CASK: variants seen among roughly 807,000 people sequenced by gnomAD.
CASK encodes peripheral plasma membrane protein CASK.
CASK carries 4 observed loss-of-function variants against 82.9 expected under a neutral mutation model. That is an observed-to-expected ratio of 0.05 (90% CI 0.02 to 0.11). The LOEUF (loss-of-function observed/expected upper bound fraction) is 0.11. Among genes scored for constraint, CASK ranks in the 10% least tolerant of loss-of-function variants. CASK has a pLI of 1.00. For missense variants in CASK, 358 were observed against 720.9 expected (o/e 0.50, Z 5.76); for synonymous variants, 259 against 253.5 (o/e 1.02, Z -0.20).
intron 2 of CASK, among the ~76,000 whole-genome samples, chrX:41,797,552 C>A (rs750478581): frequency 9.0e-6 from 1 of 111,668 alleles, no homozygotes; most frequent in African/African-American, 3.2e-5. Context: ...AACTTAGACT[C>A]AACATCTATT....
At chrX:41,608,687 T>C (rs1266658102) in intron 12 of CASK, among the ~76,000 whole-genome samples, 1 of 112,642 alleles carries the variant, frequency 8.9e-6, no homozygotes, top group Admixed American at 9.4e-5. Context: ...TTCTGTTTTT[T>C]CCTTTGTATC....
chrX:41,922,861 G>T, intron 1 of CASK, 69 bp downstream of exon 1: 1 of 1,010,396 alleles, frequency 9.9e-7, no homozygotes, highest in Non-Finnish European at 1.4e-6. Context: ...CCCCGAGCGG[G>T]TGCGGGAAGA....
chrX:41,601,506 T>C (rs1230043348), intron 12 of CASK, among the ~76,000 whole-genome samples: 7 of 111,794 alleles, frequency 6.3e-5, no homozygotes, highest in African/African-American at 2.3e-4. Context: ...AATAAAACAG[T>C]TCTTGGGAGA....
chrX:41,622,513 A>G (rs2066301661), intron 11 of CASK, 104 bp downstream of exon 11: 1 of 607,914 alleles, frequency 1.6e-6, no homozygotes, highest in African/African-American at 2.2e-5. Flanking sequence ...TTAAACAACT[A>G]CACACAAACA....
chrX:41,877,234 T>A (rs745813808), intron 1 of CASK, among the ~76,000 whole-genome samples: 8 of 111,651 alleles, frequency 7.2e-5, no homozygotes, highest in Non-Finnish European at 1.1e-4. Flanking sequence ...TTGGAACAGG[T>A]GTGTTCTAAT....
intron 2 of CASK, 37 bp from the exon 3 acceptor site, chrX:41,787,320 G>T: frequency 1.2e-6 from 1 of 813,635 alleles, no homozygotes; most frequent in Non-Finnish European, 1.9e-6. Context: ...CATTAGGTAG[G>T]AACAAAAGAC....
intron 2 of CASK, among the ~76,000 whole-genome samples, chrX:41,822,244 G>T (rs1305745640): frequency 1.8e-5 from 2 of 111,899 alleles, no homozygotes; most frequent in Non-Finnish European, 3.8e-5. Context: ...TTAAATATTT[G>T]TTGAGCATTT....
chrX:41,767,232 T>TA (rs2069134465), intron 3 of CASK, among the ~76,000 whole-genome samples: 1 of 112,074 alleles, frequency 8.9e-6, no homozygotes, highest in Non-Finnish European at 1.9e-5. Context: ...CAAATGCAGA[T>TA]AAAAAATACA....
intron 8 of CASK, among the ~76,000 whole-genome samples, chrX:41,658,736 A>G (rs780636169): frequency 9.0e-5 from 10 of 111,618 alleles, no homozygotes; most frequent in Non-Finnish European, 1.7e-4. Context: ...CAGAGAAGAC[A>G]GTGTTTCAGA....
intron 12 of CASK, among the ~76,000 whole-genome samples, chrX:41,601,646 C>CTCAA (rs2065895447): frequency 9.0e-6 from 1 of 111,626 alleles, no homozygotes; most frequent in Non-Finnish European, 1.9e-5. Context: ...CAACCACCAT[C>CTCAA]TCAATCCAGC....
intron 5 of CASK, among the ~76,000 whole-genome samples, chrX:41,730,788 AC>A (rs1167951152): frequency 1.8e-5 from 2 of 110,387 alleles, no homozygotes; most frequent in East Asian, 2.8e-4. Flanking sequence ...TGCAACCTCC[AC>A]CCCCCCGGGG....
chrX:41,691,549 G>A lies in CASK; in HGVS notation c.430-20019C>T, dbSNP rs756692168. Among the ~76,000 whole-genome samples, 43 of 110,717 alleles carry A rather than the reference G, an allele frequency of 3.9e-4. 3 individuals carry two copies. The South Asian group carries it at 0.013, about 32-fold the overall frequency. On this transcript the variant is annotated intron_variant, in intron 5 of 26. Coordinates refer to ENST00000378163, the MANE Select transcript of CASK (RefSeq NM_001367721.1). ...AAAGTCAGATCTGAGTCCTAACTTG[G>A]GCACTGTCATTTAAGAGTTGTGTGG...
intron 2 of CASK, among the ~76,000 whole-genome samples, chrX:41,789,185 C>T (rs1353340443): frequency 9.0e-6 from 1 of 111,630 alleles, no homozygotes; most frequent in Non-Finnish European, 1.9e-5. Context: ...TTGTAAGTGG[C>T]AGTGAGGAAA....
intron 1 of CASK, among the ~76,000 whole-genome samples, chrX:41,909,987 C>T (rs777440065): frequency 6.3e-5 from 7 of 111,509 alleles, no homozygotes; most frequent in South Asian, 3.7e-4. Context: ...TTTGGGAGGC[C>T]GAGGCAGGCA....
At chrX:41,794,223 G>A (rs906016903) in intron 2 of CASK, among the ~76,000 whole-genome samples, 1 of 112,047 alleles carries the variant, frequency 8.9e-6, no homozygotes, top group African/African-American at 3.2e-5. Flanking sequence ...AATAAAGAAA[G>A]GAAGCAGCAT....
intron 12 of CASK, among the ~76,000 whole-genome samples, chrX:41,596,443 T>C (rs1176443010): frequency 8.9e-6 from 1 of 112,419 alleles, no homozygotes; most frequent in Non-Finnish European, 1.9e-5. Flanking sequence ...CTCTAGAAGC[T>C]TAAATTCAAG....
At chrX:41,724,376 A>G (rs1204940291) in intron 5 of CASK, 2 of 112,876 alleles carry the variant, frequency 1.8e-5, no homozygotes, top group Admixed American at 1.9e-4. Context: ...TTGAAAGCTG[A>G]TCATTAAGAA....
intron 5 of CASK, among the ~76,000 whole-genome samples, chrX:41,684,997 G>A (rs1270129573): frequency 3.6e-5 from 4 of 111,657 alleles, no homozygotes; most frequent in African/African-American, 1.3e-4. Flanking sequence ...TTAAACAAAT[G>A]AAGGAAAAAA....
chrX:41,856,795 C>CA (rs575324555), intron 1 of CASK, among the ~76,000 whole-genome samples: 11,894 of 41,758 alleles, frequency 0.28, 1,206 homozygotes, highest in Middle Eastern at 0.39. Flanking sequence ...GACTCCGTCT[C>CA]AAAAAAAAAA....
Sources: gnomAD v4.1 joint callset for allele counts (sites outside exome capture counted in the v4.1 genomes callset) on GRCh38, gnomAD v4.1.1 for gene constraint, MANE v1.5 for transcripts, NCBI Gene and HGNC (gene_info 2026-07-23, HGNC 2026-07-21) for gene names.